SLC25A13: variants seen among roughly 807,000 people sequenced by gnomAD.
SLC25A13 encodes the protein solute carrier family 25 member 13.
In SLC25A13, 70 loss-of-function variants were observed where a neutral mutation model predicts 85.5. The observed-to-expected ratio is 0.82, with a 90% confidence interval of 0.68 to 1.00. The LOEUF is 1.00. Ranked by LOEUF, SLC25A13 falls within the 50% of genes least tolerant of loss-of-function variation. The probability of loss-of-function intolerance (pLI) is 0.00; values close to 1 mark genes in which losing one functional copy is unlikely to be tolerated. For synonymous variants in SLC25A13, 259 were observed against 288.7 expected (o/e 0.90, Z 1.04); for missense variants, 765 against 819.8 (o/e 0.93, Z 0.82).
intron 2 of SLC25A13, chr7:96,283,951 A>T (rs1044616258): frequency 1.3e-5 from 2 of 152,578 alleles, no homozygotes; most frequent in Non-Finnish European, 2.9e-5. Context: ...AATCAAATTT[A>T]ACGTATTGCT....
chr7:96,161,984 T>C (rs1167045627), intron 13 of SLC25A13, among the ~76,000 whole-genome samples: 1 of 152,266 alleles, frequency 6.6e-6, no homozygotes, highest in Non-Finnish European at 1.5e-5. Context: ...TAATGTATCT[T>C]GATTAATTCA....
intron 15 of SLC25A13, among the ~76,000 whole-genome samples, chr7:96,122,495 AACCCCAACCTCTCCAG>A (rs1791553923): frequency 6.6e-6 from 1 of 151,910 alleles, no homozygotes; most frequent in Admixed American, 6.6e-5. Flanking sequence ...CTACTCTCCA[AACCCCAACCTCTCCAG>A]TTACACCAGA....
At chr7:96,306,838 GA>G in intron 1 of SLC25A13, 22 of 1,394,524 alleles carry the variant, frequency 1.6e-5, no homozygotes, top group Non-Finnish European at 1.9e-5. Context: ...AGCAGAAGCA[GA>G]AAAAGGCAAA....
chr7:96,301,663 G>A (rs1234664857), intron 1 of SLC25A13, among the ~76,000 whole-genome samples: 1 of 148,842 alleles, frequency 6.7e-6, no homozygotes, highest in Non-Finnish European at 1.5e-5. Flanking sequence ...GGGTCTCATT[G>A]TGTCACTCAG....
chr7:96,228,417 A>T (rs1207075107), intron 4 of SLC25A13, among the ~76,000 whole-genome samples: 1 of 152,258 alleles, frequency 6.6e-6, no homozygotes, highest in East Asian at 1.9e-4. Context: ...AATCAGGGAA[A>T]TAAATGCTCA....
chr7:96,302,634 T>C (rs145348016), intron 1 of SLC25A13, among the ~76,000 whole-genome samples: 3 of 152,272 alleles, frequency 2.0e-5, no homozygotes, highest in African/African-American at 4.8e-5. Flanking sequence ...CAACCCCAAC[T>C]CTGGCAAAGA....
chr7:96,253,639 C>T (rs79176946), intron 3 of SLC25A13, among the ~76,000 whole-genome samples: 443 of 152,250 alleles, frequency 2.9e-3, no homozygotes, highest in African/African-American at 9.5e-3. Flanking sequence ...TCTATAACAT[C>T]GAAGCCCTTT....
intron 5 of SLC25A13, among the ~76,000 whole-genome samples, chr7:96,207,708 G>C (rs1795511848): frequency 6.6e-6 from 1 of 152,130 alleles, no homozygotes; most frequent in Admixed American, 6.5e-5. Flanking sequence ...AAATAATGCT[G>C]CTGAAGGAAA....
At chr7:96,187,744 T>C (rs1794692399) in intron 9 of SLC25A13, among the ~76,000 whole-genome samples, 1 of 152,186 alleles carries the variant, frequency 6.6e-6, no homozygotes, top group South Asian at 2.1e-4. Context: ...AAAACTCTGC[T>C]CCTTCACTCC....
chr7:96,189,229 T>G (rs889142581), intron 9 of SLC25A13, 65 bp downstream of exon 9: 1 of 1,418,892 alleles, frequency 7.0e-7, no homozygotes, highest in Non-Finnish European at 9.9e-7. Context: ...CAACTGCAAG[T>G]GGAACAGGGT....
intron 13 of SLC25A13, among the ~76,000 whole-genome samples, chr7:96,163,489 T>C (rs1015477713): frequency 1.3e-5 from 2 of 152,168 alleles, no homozygotes; most frequent in African/African-American, 2.4e-5. Flanking sequence ...CGTCAATCCA[T>C]AGAACCACAA....
At chr7:96,135,135 C>G (rs1792221190) in intron 14 of SLC25A13, among the ~76,000 whole-genome samples, 1 of 152,080 alleles carries the variant, frequency 6.6e-6, no homozygotes, top group Admixed American at 6.6e-5. Flanking sequence ...ACTGGGACAA[C>G]TGAAACTTTA....
chr7:96,228,642 C>G (rs1002297847), intron 4 of SLC25A13, among the ~76,000 whole-genome samples: 1 of 152,226 alleles, frequency 6.6e-6, no homozygotes, highest in Non-Finnish European at 1.5e-5. Flanking sequence ...TGCCACTGCA[C>G]TGTGGGAGCC....
intron 15 of SLC25A13, among the ~76,000 whole-genome samples, chr7:96,122,250 CT>C (rs1163286776): frequency 5.9e-5 from 9 of 152,156 alleles, no homozygotes; most frequent in Non-Finnish European, 1.3e-4. Context: ...GTTTCTATTC[CT>C]AAATCTTTAA....
intron 1 of SLC25A13, among the ~76,000 whole-genome samples, chr7:96,319,276 T>C (rs7807565): frequency 0.65 from 98,777 of 151,966 alleles, 32,378 homozygotes; most frequent in Non-Finnish European, 0.68. Context: ...CGGCTGGGCG[T>C]GGTGGCTCAT....
rs1554364410 is a variant in SLC25A13 at position 96,243,546 on chromosome 7, G to GA, written c.213-8630_213-8629insT. 3.3e-5 allele frequency among the ~76,000 whole-genome samples: 5 copies of GA among 151,558 alleles called. No individual in the cohort carries two copies. The East Asian group carries it at 9.7e-4, about 29-fold the overall frequency. Reference sequence around the variant, plus strand: ...GTAGAGGGGCCTAAACACTCATTTGGTTTTTTTTTAAACTTCTCAAGTGAT... The same window carrying GA: ...GTAGAGGGGCCTAAACACTCATTTGGATTTTTTTTTAAACTTCTCAAGTGAT... On this transcript the variant is annotated intron_variant, in intron 3 of 17. Coordinates refer to ENST00000265631, the MANE Select transcript of SLC25A13 (RefSeq NM_014251.3).
At chr7:96,298,982 G>C (rs1174617773) in intron 1 of SLC25A13, among the ~76,000 whole-genome samples, 17 of 152,092 alleles carry the variant, frequency 1.1e-4, no homozygotes. Flanking sequence ...CTCCTTGATG[G>C]TAAGAGTCCC....
intron 1 of SLC25A13, among the ~76,000 whole-genome samples, chr7:96,317,715 G>C (rs1800181761): frequency 6.6e-6 from 1 of 151,402 alleles, no homozygotes; most frequent in Admixed American, 6.6e-5. Context: ...CCCTGGAATG[G>C]TTTTGGTTTT....
chr7:96,209,897 T>A (rs931054263), intron 4 of SLC25A13, among the ~76,000 whole-genome samples: 2 of 152,196 alleles, frequency 1.3e-5, no homozygotes, highest in Admixed American at 6.5e-5. Flanking sequence ...TTTAAATATA[T>A]CTACCAAACC....
Sources: allele counts gnomAD v4.1 joint callset (sites outside exome capture counted in the v4.1 genomes callset), GRCh38; gene constraint gnomAD v4.1.1; transcripts MANE v1.5; gene names NCBI Gene and HGNC (gene_info 2026-07-23, HGNC 2026-07-21).